Variants in CKAP5 observed in about 807,000 individuals in gnomAD.
The protein encoded by CKAP5 is cytoskeleton-associated protein 5.
In CKAP5, 27 loss-of-function variants were observed where a neutral mutation model predicts 232.8. The observed-to-expected ratio is 0.12, with a 90% CI of 0.09 to 0.16. The LOEUF is 0.16. Among genes scored for constraint, CKAP5 ranks in the 10% least tolerant of loss-of-function variants. CKAP5 has a pLI of 1.00. For synonymous variants in CKAP5, 785 were observed against 841.1 expected (o/e 0.93, Z 1.16); for missense variants, 1,838 against 2,424.7 (o/e 0.76, Z 5.08).
rs11362980 is a variant in CKAP5, at chr11:46,843,728, G to GA, written c.-38+2491dup. ...CAGGGCGAAAGAGTGAGATCTGATT[G>GA]AAAAAAAAAAAAAAAAAAAATTGAG... On this transcript the variant is annotated intron_variant, in intron 1 of 43. Coordinates refer to ENST00000529230, the MANE Select transcript of CKAP5 (RefSeq NM_001008938.4). 2.0e-4 allele frequency among the ~76,000 whole-genome samples: 21 copies of GA among 107,530 alleles called. 1 individual carries two copies. Among genetic ancestry groups the GA allele is most frequent in the African/African-American group, 4.3e-4 (12 of 27,876 alleles). 70.5% of individuals were successfully genotyped at this position (107,530 alleles called of 152,430 possible). A position where few individuals can be genotyped will look rare whatever the true frequency, so the allele number is the denominator to read the frequency against.
At chr11:46,844,243 G>T (rs907956787) in intron 1 of CKAP5, among the ~76,000 whole-genome samples, 1 of 149,006 alleles carries the variant, frequency 6.7e-6, no homozygotes, top group East Asian at 2.0e-4. Flanking sequence ...AAAAGGAAAA[G>T]AAAGTGAGTG....
intron 1 of CKAP5, among the ~76,000 whole-genome samples, chr11:46,843,932 G>A (rs1390612001): frequency 2.0e-5 from 3 of 151,976 alleles, no homozygotes; most frequent in Non-Finnish European, 4.4e-5. Flanking sequence ...TTAGAAAAGT[G>A]AGGGTTAGCC....
At chr11:46,796,777 T>C (rs763371172) in intron 12 of CKAP5, 35 bp downstream of exon 12, 4 of 1,609,542 alleles carry the variant, frequency 2.5e-6, no homozygotes, top group Non-Finnish European at 2.5e-6. Context: ...GACAGGAATG[T>C]TGTCCAATTT....
Position 46,759,287 on chromosome 11 carries a change from A to G in CKAP5, c.4550T>C (p.Val1517Ala). The change falls in exon 34 of 44, where the codon GTC becomes GCC. Residue 1517 changes from valine to alanine, a missense_variant. Around this residue, in one of 6 missense-constraint regions of CKAP5, gnomAD observed 579 missense variants for 843.2 expected, o/e 0.69. Transcript: ENST00000529230. ...QHKLDDIFEP[V>A]LIPEPKIRAV... is the part of the protein sequence containing the mutation. ...AACTCACTTGGGTTCAGGAATAAGGACTGGCTCAAAAATGTCATCCAGTTT... is the reference window on the plus strand; with the variant it reads ...AACTCACTTGGGTTCAGGAATAAGGGCTGGCTCAAAAATGTCATCCAGTTT... 1 of 1,613,706 alleles carries G rather than the reference A, an allele frequency of 6.2e-7. No homozygotes were observed. The highest frequency in any genetic ancestry group is 8.5e-7 in the Non-Finnish European group (1 of 1,179,852).
intron 9 of CKAP5, 43 bp from the exon 10 acceptor site, chr11:46,798,215 G>A (rs942678317): frequency 7.6e-7 from 1 of 1,310,296 alleles, no homozygotes. Flanking sequence ...CAACAAAGAG[G>A]AATGATATAT....
rs775010325 is a variant in CKAP5 at position 46,797,849 on chromosome 11, G to A, written c.1294C>T (p.Leu432=). Residue 432 remains leucine (L), a synonymous_variant, in exon 11 of 44, where the codon CTG becomes TTG. Coordinates refer to ENST00000529230, the MANE Select transcript of CKAP5 (RefSeq NM_001008938.4). Reference sequence around the variant, plus strand: ...AAGGGCTTTAGCAAGCTCTTTGGCAGGGTAGAAGCAGTGCAGTGGCGGAAA... The same window carrying A: ...AAGGGCTTTAGCAAGCTCTTTGGCAAGGTAGAAGCAGTGCAGTGGCGGAAA... ...RSFRHCTAST[L]PKSLLKPFCA... 6.2e-7 allele frequency: 1 copy of A among 1,614,028 alleles called. No homozygotes were observed. Among genetic ancestry groups the A allele is most frequent in the Non-Finnish European group, 8.5e-7 (1 of 1,179,996 alleles).
chr11:46,763,694 T>C, intron 28 of CKAP5, 64 bp from the exon 29 acceptor site: 1 of 1,073,316 alleles, frequency 9.3e-7, no homozygotes, highest in Admixed American at 3.0e-5. Flanking sequence ...TAGAGAGCCT[T>C]ATATAATGCA....
At chr11:46,787,943 T>C (rs560657300) in intron 16 of CKAP5, among the ~76,000 whole-genome samples, 4 of 152,310 alleles carry the variant, frequency 2.6e-5, no homozygotes, top group East Asian at 1.9e-4. Context: ...ATGAAGATGA[T>C]GGGAATTGAA....
At chr11:46,802,719 C>T (rs1315375493) in intron 8 of CKAP5, among the ~76,000 whole-genome samples, 1 of 152,168 alleles carries the variant, frequency 6.6e-6, no homozygotes, top group African/African-American at 2.4e-5. Context: ...CTAGTCCCTA[C>T]AATGTGGTGT....
In CKAP5 at chr11:46,838,826, G is replaced by A. The variant is rs750105296; in HGVS notation, c.-38+7394C>T. Among the ~76,000 whole-genome samples, 399 of 136,386 alleles carry A rather than the reference G, an allele frequency of 2.9e-3. 4 individuals carry two copies. Among genetic ancestry groups the A allele is most frequent in the Middle Eastern group, 0.016 (4 of 258 alleles). 89.5% of individuals were successfully genotyped at this position (136,386 alleles called of 152,430 possible). ...AAAAAAAAAAAAAAAAAAAATTGCT[G>A]AGCCACCATTGTCGCAACATTTTTA... On this transcript the variant is annotated intron_variant, in intron 1 of 43. Coordinates refer to ENST00000529230, the MANE Select transcript of CKAP5 (RefSeq NM_001008938.4).
chr11:46,747,875 C>A (rs1281062774), intron 42 of CKAP5, among the ~76,000 whole-genome samples: 3 of 151,942 alleles, frequency 2.0e-5, no homozygotes, highest in African/African-American at 7.3e-5. Flanking sequence ...GCCTGGGCAA[C>A]AAGGAGAAAC....
rs529358899 is a variant in CKAP5 at position 46,830,643 on chromosome 11, G to T, written c.-37-9375C>A. On this transcript the variant is annotated intron_variant, in intron 1 of 43. Coordinates refer to ENST00000529230, the MANE Select transcript of CKAP5 (RefSeq NM_001008938.4). ...TGGATTTCTGGCCTCCATACTGTGA[G>T]AGAATAAATCCTGTTTTTTTAAGCC... 1.1e-4 allele frequency among the ~76,000 whole-genome samples: 17 copies of T among 152,172 alleles called. No homozygotes were observed. In the South Asian group the frequency reaches 3.5e-3, roughly 32 times the overall value.
At chr11:46,828,859 G>A (rs548596765) in intron 1 of CKAP5, among the ~76,000 whole-genome samples, 16 of 152,212 alleles carry the variant, frequency 1.1e-4, no homozygotes, top group East Asian at 9.6e-4. Context: ...GATGGGGTGG[G>A]GGTGTGGCTT....
chr11:46,753,265 A>G, intron 37 of CKAP5, 45 bp downstream of exon 37: 1 of 1,484,476 alleles, frequency 6.7e-7, no homozygotes, highest in Non-Finnish European at 9.1e-7. Context: ...GTGTAAACAA[A>G]AGCGAGGATG....
intron 7 of CKAP5, among the ~76,000 whole-genome samples, chr11:46,808,703 T>A (rs1939211585): frequency 6.6e-6 from 1 of 152,246 alleles, no homozygotes; most frequent in African/African-American, 2.4e-5. Flanking sequence ...ATTCTCATTT[T>A]CTAGGCAAAC....
chr11:46,837,100 T>A (rs186846124), intron 1 of CKAP5, among the ~76,000 whole-genome samples: 1 of 152,358 alleles, frequency 6.6e-6, no homozygotes, highest in East Asian at 1.9e-4. Flanking sequence ...GTATGTACTC[T>A]AGTTGATAAA....
intron 17 of CKAP5, among the ~76,000 whole-genome samples, chr11:46,783,597 GT>G (rs66522172): frequency 0.98 from 138,837 of 141,932 alleles, 67,897 homozygotes; most frequent in South Asian, 0.99. Context: ...GCATTATAAT[GT>G]TTTTTTTTTT....
rs768150944 is a variant in CKAP5 at position 46,744,232 on chromosome 11, A to C, written c.5890T>G (p.Ser1964Ala). The C allele has an allele frequency of 1.9e-6, 3 of 1,613,934 alleles. No homozygotes were observed. In the African/African-American group the frequency reaches 4.0e-5, roughly 22 times the overall value. The change falls in exon 44 of 44, where the codon TCC (serine) becomes GCC (alanine). Residue 1964 changes from serine to alanine, a missense_variant. Ser to Ala is a moderately conservative substitution (Grantham distance 99). Transcript: ENST00000529230. ...DDRPPLTSLL[S>A]KPAVPTVASS... ...GCGACAGTAGGAACTGCTGGTTTGG[A>C]GAGCAAAGAGGTCAAAGGAGGTCGG...
rs1379643784 is a variant in CKAP5 at position 46,808,115 on chromosome 11, C to T, written c.894G>A (p.Glu298=). 1.2e-6 allele frequency: 2 copies of T among 1,613,250 alleles called. No homozygotes were observed. The highest frequency in any genetic ancestry group is 1.7e-5 in the Admixed American group (1 of 59,894). ...IEAKKWQERK[E]ALESVEVLIK... is the part of the protein sequence containing the mutation. ...TTAGTACTTCTACAGACTCCAGGGC[C>T]TCTTTTCTCTCTTGCCATTTTTTTG... Residue 298 remains glutamate, a synonymous_variant, in exon 8 of 44, where the codon GAG becomes GAA. Coordinates refer to ENST00000529230, the MANE Select transcript of CKAP5 (RefSeq NM_001008938.4).
Sources: gnomAD v4.1 joint callset for allele counts (sites outside exome capture counted in the v4.1 genomes callset) on GRCh38, gnomAD v4.1.1 for gene constraint, gnomAD v4.1.1 regional missense constraint, MANE v1.5 for transcripts, NCBI Gene and HGNC (gene_info 2026-07-23, HGNC 2026-07-21) for gene names.